Variants in PARD3 observed in about 807,000 individuals in gnomAD.
The protein encoded by PARD3 is partitioning defective 3 homolog.
A neutral mutation model predicts 155.4 loss-of-function variants in PARD3; 75 were observed. The observed-to-expected ratio is 0.48, with a 90% CI of 0.40 to 0.58. The LOEUF is 0.58. Among genes scored for constraint, PARD3 ranks in the 20% least tolerant of loss-of-function variants. The pLI, the probability that PARD3 is intolerant of heterozygous loss-of-function variation, is 0.00. For synonymous variants in PARD3, 576 were observed against 610.5 expected (o/e 0.94, Z 0.83); for missense variants, 1,642 against 1,721.7 (o/e 0.95, Z 0.82).
At chr10:34,257,945 T>C (rs1954745464) in intron 22 of PARD3, among the ~76,000 whole-genome samples, 1 of 152,238 alleles carries the variant, frequency 6.6e-6, no homozygotes, top group South Asian at 2.1e-4. Context: ...TGGATGGTGA[T>C]TGCTTGTTTT....
At chr10:34,594,495 C>T (rs1455951949) in intron 2 of PARD3, among the ~76,000 whole-genome samples, 2 of 152,122 alleles carry the variant, frequency 1.3e-5, no homozygotes, top group African/African-American at 2.4e-5. Flanking sequence ...CAGCTCTCAC[C>T]TGGCTATGCA....
intron 2 of PARD3, among the ~76,000 whole-genome samples, chr10:34,668,159 A>G (rs895861084): frequency 6.6e-6 from 1 of 152,238 alleles, no homozygotes; most frequent in Admixed American, 6.5e-5. Flanking sequence ...ATCTGCAACA[A>G]CTACAAATGA....
At chr10:34,767,489 A>G (rs2082688799) in intron 1 of PARD3, among the ~76,000 whole-genome samples, 1 of 152,126 alleles carries the variant, frequency 6.6e-6, no homozygotes, top group African/African-American at 2.4e-5. Flanking sequence ...GGACTCCGTG[A>G]CTTTTTAATT....
At chr10:34,522,145 G>A (rs541168649) in intron 2 of PARD3, among the ~76,000 whole-genome samples, 1 of 152,182 alleles carries the variant, frequency 6.6e-6, no homozygotes, top group African/African-American at 2.4e-5. Flanking sequence ...TATCCAGGTA[G>A]AGCCCCATCT....
rs574742913 is a variant in PARD3 at position 34,162,711 on chromosome 10, G to A, written c.3420-31128C>T. 2.6e-5 allele frequency among the ~76,000 whole-genome samples: 4 copies of A among 152,250 alleles called. No homozygotes were observed. The East Asian group carries it at 7.7e-4, about 29-fold the overall frequency. On this transcript the variant is annotated intron_variant, in intron 22 of 24. Coordinates refer to ENST00000374788, the MANE Select transcript of PARD3 (RefSeq NM_001184785.2). ...TGAGCTAAGCTTGCTACATTCACCT[G>A]AATTCTGATTTTGTGAACTAAATGG...
At chr10:34,799,876 C>CT (rs1465926133) in intron 1 of PARD3, among the ~76,000 whole-genome samples, 1 of 151,982 alleles carries the variant, frequency 6.6e-6, no homozygotes, top group Admixed American at 6.6e-5. Context: ...GCCTGTAGTC[C>CT]CAGCTACTTG....
intron 22 of PARD3, among the ~76,000 whole-genome samples, chr10:34,191,640 TTGGGGG>T (rs979836181): frequency 9.5e-6 from 1 of 104,960 alleles, no homozygotes. Context: ...TGCTTCAGCC[TTGGGGG>T]TGGGGGTGGG....
chr10:34,186,507 A>C (rs1950503028), intron 22 of PARD3, among the ~76,000 whole-genome samples: 1 of 152,100 alleles, frequency 6.6e-6, no homozygotes, highest in Admixed American at 6.5e-5. Flanking sequence ...TGTTGGACTG[A>C]GAGAGCCATT....
chr10:34,455,598 G>C (rs1193413511), intron 4 of PARD3, among the ~76,000 whole-genome samples: 3 of 151,852 alleles, frequency 2.0e-5, no homozygotes, highest in Non-Finnish European at 2.9e-5. Flanking sequence ...ACAGAAAAAA[G>C]AGACAGATAA....
At chr10:34,201,396 T>C (rs1359662735) in intron 22 of PARD3, among the ~76,000 whole-genome samples, 1 of 152,220 alleles carries the variant, frequency 6.6e-6, no homozygotes. Context: ...AGCAGTATTT[T>C]ATAACAAACG....
intron 2 of PARD3, among the ~76,000 whole-genome samples, chr10:34,631,286 C>T (rs1219177986): frequency 6.6e-6 from 1 of 152,150 alleles, no homozygotes; most frequent in African/African-American, 2.4e-5. Context: ...GGTACAAAAA[C>T]ACAATCACAT....
intron 1 of PARD3, among the ~76,000 whole-genome samples, chr10:34,807,047 G>A (rs535912503): frequency 6.6e-6 from 1 of 152,334 alleles, no homozygotes; most frequent in Admixed American, 6.5e-5. Context: ...CACAAAGGTA[G>A]CTGGCGAGCT....
intron 23 of PARD3, among the ~76,000 whole-genome samples, chr10:34,120,257 A>G (rs1946922773): frequency 7.0e-6 from 1 of 142,924 alleles, no homozygotes; most frequent in Non-Finnish European, 1.5e-5. Flanking sequence ...ATCCTGCCTC[A>G]GCCTCCCAAA....
intron 2 of PARD3, among the ~76,000 whole-genome samples, chr10:34,672,653 G>A (rs1057132008): frequency 3.9e-5 from 6 of 152,172 alleles, no homozygotes; most frequent in African/African-American, 1.4e-4. Flanking sequence ...ACTGAGCTCT[G>A]GCCTGGGCAA....
At position 34,119,595 on chromosome 10, in the gene PARD3, G is replaced by T; in HGVS notation, c.3668+18C>A. The T allele has an allele frequency of 1.3e-6, 2 of 1,581,896 alleles. No individual in the cohort carries two copies. The highest frequency in any genetic ancestry group is 2.3e-5 in the East Asian group (1 of 43,904). The stretch of plus-strand genomic sequence containing the variant: ...AAGGGCCGGGGGGATCTGGAGGCTC[G>T]GCCAAGCGTCCTCATACCGAGGCAG... On this transcript the variant is annotated intron_variant, in intron 24 of 24. Coordinates refer to ENST00000374788, the MANE Select transcript of PARD3 (RefSeq NM_001184785.2).
intron 4 of PARD3, among the ~76,000 whole-genome samples, chr10:34,452,895 T>C (rs1281920720): frequency 2.0e-5 from 3 of 152,170 alleles, no homozygotes; most frequent in Non-Finnish European, 2.9e-5. Flanking sequence ...TCTCCACAGC[T>C]TCTAAGTCTT....
At chr10:34,504,412 G>C (rs2080915098) in intron 3 of PARD3, among the ~76,000 whole-genome samples, 1 of 140,442 alleles carries the variant, frequency 7.1e-6, no homozygotes. Context: ...CTGAGCCAAT[G>C]TGCTTGTCCC....
intron 1 of PARD3, among the ~76,000 whole-genome samples, chr10:34,806,544 G>C (rs912895359): frequency 6.6e-6 from 1 of 151,670 alleles, no homozygotes; most frequent in African/African-American, 2.4e-5. Flanking sequence ...TGCCCAGGCT[G>C]GGTCTTGAAC....
intron 2 of PARD3, among the ~76,000 whole-genome samples, chr10:34,562,493 C>A (rs528752966): frequency 3.3e-5 from 5 of 152,200 alleles, no homozygotes; most frequent in African/African-American, 1.2e-4. Context: ...ATTTCCCCAC[C>A]AAGTGGCATC....
Sources: allele counts gnomAD v4.1 joint callset (sites outside exome capture counted in the v4.1 genomes callset), GRCh38; gene constraint gnomAD v4.1.1; transcripts MANE v1.5; gene names NCBI Gene and HGNC (gene_info 2026-07-23, HGNC 2026-07-21).